The following DLG2 variants were observed in gnomAD, a reference collection of about 807,000 sequenced individuals.
The protein encoded by DLG2 is discs large MAGUK scaffold protein 2, also known as disks large homolog 2.
A neutral mutation model predicts 132.5 loss-of-function variants in DLG2; 45 were observed. The ratio of observed to expected loss-of-function variants is 0.34; its 90% CI spans 0.27 to 0.44. DLG2 has a LOEUF of 0.44. DLG2 is among the 20% of genes least tolerant of loss of function. The pLI is 1.00. For missense variants in DLG2, 1,045 were observed against 1,196.9 expected (o/e 0.87, Z 1.87); for synonymous variants, 424 against 419.6 (o/e 1.01, Z -0.13).
chr11:84,980,339 C>T (rs1230873529), intron 6 of DLG2, among the ~76,000 whole-genome samples: 1 of 152,102 alleles, frequency 6.6e-6, no homozygotes, highest in African/African-American at 2.4e-5. Context: ...GCAGTTCTCA[C>T]CAAGAATAAG....
chr11:84,526,842 A>C (rs568181595), intron 7 of DLG2, among the ~76,000 whole-genome samples: 13 of 141,156 alleles, frequency 9.2e-5, no homozygotes, highest in Non-Finnish European at 1.8e-4. Flanking sequence ...GCAGTGGCGC[A>C]ATCTCGGCTC....
intron 18 of DLG2, among the ~76,000 whole-genome samples, chr11:83,718,079 A>T (rs1395452446): frequency 6.6e-6 from 1 of 152,216 alleles, no homozygotes; most frequent in African/African-American, 2.4e-5. Context: ...CAAGTGCAGC[A>T]CATGCTTTTG....
At chr11:85,424,876 C>T (rs940680290) in intron 3 of DLG2, among the ~76,000 whole-genome samples, 14 of 152,264 alleles carry the variant, frequency 9.2e-5, no homozygotes, top group Admixed American at 2.0e-4. Context: ...ACCTGTTCTT[C>T]GACTTCGCAG....
chr11:85,443,171 AT>A (rs563029616), intron 3 of DLG2, among the ~76,000 whole-genome samples: 1 of 152,138 alleles, frequency 6.6e-6, no homozygotes, highest in Admixed American at 6.6e-5. Context: ...TCTGTCACTA[AT>A]TTTTTTATCT....
intron 9 of DLG2, among the ~76,000 whole-genome samples, chr11:84,162,855 T>C (rs1450837739): frequency 1.3e-5 from 2 of 152,162 alleles, no homozygotes; most frequent in East Asian, 1.9e-4. Context: ...GTCCTGTTAA[T>C]GCTTTTTGGT....
chr11:84,214,208 TATATATATGAATACATATATAC>T (rs1244783997), intron 8 of DLG2, among the ~76,000 whole-genome samples: 38 of 132,642 alleles, frequency 2.9e-4, no homozygotes, highest in East Asian at 2.6e-3. Flanking sequence ...TATATATACA[TATATATATGAATACATATATAC>T]ATATATATGA....
intron 9 of DLG2, among the ~76,000 whole-genome samples, chr11:84,122,451 G>C (rs2093972491): frequency 6.6e-6 from 1 of 152,190 alleles, no homozygotes; most frequent in Admixed American, 6.5e-5. Context: ...CTGATGACCA[G>C]TGATGCCTGT....
chr11:84,381,188 G>GA (rs1202231453), intron 7 of DLG2, among the ~76,000 whole-genome samples: 2 of 151,820 alleles, frequency 1.3e-5, no homozygotes, highest in African/African-American at 2.4e-5. Flanking sequence ...AGAATAAAGA[G>GA]AAAACCTGAA....
At chr11:85,508,388 G>A (rs1464837470) in intron 3 of DLG2, among the ~76,000 whole-genome samples, 1 of 151,998 alleles carries the variant, frequency 6.6e-6, no homozygotes, top group African/African-American at 2.4e-5. Context: ...CCCTCTGCCT[G>A]ATTAACCCTA....
At chr11:84,303,893 A>AT (rs2098185440) in intron 7 of DLG2, among the ~76,000 whole-genome samples, 1 of 152,208 alleles carries the variant, frequency 6.6e-6, no homozygotes, top group Non-Finnish European at 1.5e-5. Flanking sequence ...ATTCAAACTG[A>AT]TTGAGTGCCT....
At chr11:84,153,686 C>T (rs560380434) in intron 9 of DLG2, among the ~76,000 whole-genome samples, 1 of 152,224 alleles carries the variant, frequency 6.6e-6, no homozygotes, top group Non-Finnish European at 1.5e-5. Flanking sequence ...TTTTTCAGTT[C>T]CAGAACTTTA....
intron 6 of DLG2, among the ~76,000 whole-genome samples, chr11:85,068,307 C>T (rs987709902): frequency 6.6e-6 from 1 of 152,138 alleles, no homozygotes; most frequent in South Asian, 2.1e-4. Flanking sequence ...CCAGGGCAAT[C>T]AGGCAGGAGA....
At chr11:84,457,623 C>T (rs11234035) in intron 7 of DLG2, among the ~76,000 whole-genome samples, 7,275 of 150,940 alleles carry the variant, frequency 0.048, 242 homozygotes, top group Non-Finnish European at 0.08. Flanking sequence ...TCTTATTTCC[C>T]TGTGAAAAGG....
intron 15 of DLG2, among the ~76,000 whole-genome samples, chr11:83,923,276 A>C (rs117577829): frequency 1.3e-5 from 2 of 152,166 alleles, no homozygotes; most frequent in African/African-American, 2.4e-5. Flanking sequence ...CTGGATGAAA[A>C]TTCATTTGCT....
intron 7 of DLG2, among the ~76,000 whole-genome samples, chr11:84,449,273 G>T (rs976695317): frequency 1.3e-5 from 2 of 151,588 alleles, no homozygotes; most frequent in Non-Finnish European, 3.0e-5. Context: ...CCTTAAAAAT[G>T]AGATCCACTA....
chr11:84,997,130 T>A (rs1232435814), intron 6 of DLG2: 3 of 153,160 alleles, frequency 2.0e-5, no homozygotes, highest in African/African-American at 7.2e-5. Flanking sequence ...TTTGTAATCT[T>A]AGGTAAAGTA....
At chr11:83,662,656 C>T (rs544343311) in intron 18 of DLG2, among the ~76,000 whole-genome samples, 1 of 152,282 alleles carries the variant, frequency 6.6e-6, no homozygotes, top group African/African-American at 2.4e-5. Context: ...TAGGAGGTGC[C>T]TGTTCTGGCT....
At chr11:84,517,243 C>T (rs977007862) in intron 7 of DLG2, among the ~76,000 whole-genome samples, 2 of 151,192 alleles carry the variant, frequency 1.3e-5, no homozygotes, top group African/African-American at 2.4e-5. Context: ...TATTTTCAAA[C>T]TATATATCTG....
At chr11:85,330,998 T>C (rs977021529) in intron 3 of DLG2, among the ~76,000 whole-genome samples, 14 of 152,126 alleles carry the variant, frequency 9.2e-5, no homozygotes, top group African/African-American at 3.4e-4. Context: ...GATGATAAAA[T>C]ACAAACTATT....
Sources: allele counts gnomAD v4.1 joint callset (sites outside exome capture counted in the v4.1 genomes callset), GRCh38; gene constraint gnomAD v4.1.1; transcripts MANE v1.5; gene names NCBI Gene and HGNC (gene_info 2026-07-23, HGNC 2026-07-21).